The following GPR180 variants were observed in gnomAD, a reference collection of about 807,000 sequenced individuals.
GPR180 encodes integral membrane protein GPR180.
Under a neutral mutation model 52.6 loss-of-function variants are expected in GPR180, and 53 were observed. The observed-to-expected ratio is 1.01, with a 90% confidence interval of 0.81 to 1.27. The LOEUF (loss-of-function observed/expected upper bound fraction) is 1.27. Ranked by LOEUF, GPR180 falls within the 50% of genes most tolerant of loss-of-function variation. The probability of loss-of-function intolerance (pLI) is 0.00; values close to 1 mark genes in which losing one functional copy is unlikely to be tolerated. For synonymous variants in GPR180, 200 were observed against 193.1 expected, an observed-to-expected ratio of 1.04 and a Z score of -0.30; for missense variants, 533 against 527.0, an observed-to-expected ratio of 1.01 and a Z score of -0.11.
chr13:94,624,662 A>T (rs1889900128), intron 7 of GPR180, among the ~76,000 whole-genome samples: 2 of 151,930 alleles, frequency 1.3e-5, no homozygotes, highest in Admixed American at 1.3e-4. Context: ...GGTTCATGCC[A>T]TTCTCCTGCC....
In GPR180 at chr13:94,626,732, C is replaced by G. The variant is rs1163756410; in HGVS notation, c.1165-281C>G. Among the ~76,000 whole-genome samples, 3 of 152,072 alleles carry G rather than the reference C, an allele frequency of 2.0e-5. No homozygotes were observed. The East Asian group carries it at 5.8e-4, about 29-fold the overall frequency. On this transcript the variant is annotated intron_variant, in intron 8 of 8. Coordinates refer to ENST00000376958, the MANE Select transcript of GPR180 (RefSeq NM_180989.6). ...ACCTGATTTTTCTTATTTACTGAAACTTGTCTGTAGTGCATACCCTTAGGA... is the reference window on the plus strand; with the variant it reads ...ACCTGATTTTTCTTATTTACTGAAAGTTGTCTGTAGTGCATACCCTTAGGA...
In GPR180 at chr13:94,612,170, T is replaced by G; in HGVS notation, c.305-20T>G. Reference sequence around the variant, plus strand: ...CATTTGAGAATTTTGTTACAAAAGGTGTTTTCTTTCTCTTTAAAGTGACCA... The same window carrying G: ...CATTTGAGAATTTTGTTACAAAAGGGGTTTTCTTTCTCTTTAAAGTGACCA... On this transcript the variant is annotated intron_variant, in intron 2 of 8. Transcript: ENST00000376958. The G allele has an allele frequency of 6.3e-7, 1 of 1,589,568 alleles. No individual in the cohort carries two copies. Among genetic ancestry groups the G allele is most frequent in the Non-Finnish European group, 8.6e-7 (1 of 1,159,460 alleles).
At chr13:94,604,344 TAA>T (rs71761008) in intron 1 of GPR180, among the ~76,000 whole-genome samples, 2,379 of 141,624 alleles carry the variant, frequency 0.017, 55 homozygotes, top group African/African-American at 0.053. Context: ...AAAAATAAAT[TAA>T]AAAAAAAAAA....
rs777018695 is a variant in GPR180 at position 94,626,116 on chromosome 13, G to A, written c.1164+73G>A. 1.4e-5 allele frequency: 13 copies of A among 955,060 alleles called. No homozygotes were observed. The South Asian group carries it at 2.2e-4, about 16-fold the overall frequency. The allele number at this position is 955,060 out of a possible 1,614,324, so 59.2% of individuals were successfully genotyped here. On this transcript the variant is annotated intron_variant, in intron 8 of 8. Transcript: ENST00000376958. ...CTTAATTGGGAGAATATTTAAATAG[G>A]AGGGACCTATTTATTTTTTAAGACA...
chr13:94,605,867 A>G (rs2139563504), intron 2 of GPR180, among the ~76,000 whole-genome samples: 1 of 152,390 alleles, frequency 6.6e-6, no homozygotes, highest in Non-Finnish European at 1.5e-5. Flanking sequence ...ACATTTGTTG[A>G]ATGCTAATTA....
chr13:94,604,101 A>G lies in GPR180; in HGVS notation c.146-1290A>G, dbSNP rs1889596277. ...GTAATCCCAGCACTTTGGGAGGCTG[A>G]GGTGGGTGGATCACCTGAGGTCAGG... On this transcript the variant is annotated intron_variant, in intron 1 of 8. Coordinates refer to ENST00000376958, the MANE Select transcript of GPR180 (RefSeq NM_180989.6). Among the ~76,000 whole-genome samples the G allele has an allele frequency of 2.0e-5, 3 of 152,116 alleles. No individual in the cohort carries two copies. In the South Asian group the frequency reaches 6.2e-4, roughly 32 times the overall value.
chr13:94,614,999 A>G (rs1271992031), intron 3 of GPR180, among the ~76,000 whole-genome samples: 1 of 152,234 alleles, frequency 6.6e-6, no homozygotes, highest in Non-Finnish European at 1.5e-5. Flanking sequence ...TCTACATTGA[A>G]GTATCAATGA....
chr13:94,616,731 C>G (rs1007352870), intron 3 of GPR180, among the ~76,000 whole-genome samples: 4 of 151,922 alleles, frequency 2.6e-5, no homozygotes, highest in South Asian at 2.1e-4. Context: ...ATTTTAATTT[C>G]AAAGTGAACA....
chr13:94,608,769 A>T (rs2139564947), intron 2 of GPR180, among the ~76,000 whole-genome samples: 1 of 152,320 alleles, frequency 6.6e-6, no homozygotes, highest in East Asian at 1.9e-4. Flanking sequence ...CCTATTTGGT[A>T]ATGAACTCAG....
intron 2 of GPR180, among the ~76,000 whole-genome samples, chr13:94,609,072 A>G (rs1246127293): frequency 2.0e-5 from 3 of 152,222 alleles, no homozygotes; most frequent in African/African-American, 4.8e-5. Context: ...ATTTTCTATC[A>G]GATTACAAGA....
chr13:94,618,378 T>C (rs1351138684), intron 3 of GPR180, among the ~76,000 whole-genome samples: 1 of 149,114 alleles, frequency 6.7e-6, no homozygotes, highest in Non-Finnish European at 1.5e-5. Flanking sequence ...TGTTAGACAA[T>C]TTTCAGCCAA....
chr13:94,611,519 G>A (rs2139566358), intron 2 of GPR180, among the ~76,000 whole-genome samples: 1 of 152,098 alleles, frequency 6.6e-6, no homozygotes, highest in East Asian at 1.9e-4. Context: ...AACCAACCCG[G>A]AAACTGTGAA....
At chr13:94,605,614 G>A (rs1889619076) in intron 2 of GPR180, 65 bp downstream of exon 2, 4 of 1,281,324 alleles carry the variant, frequency 3.1e-6, no homozygotes, top group Non-Finnish European at 4.4e-6. Flanking sequence ...TTGAAATATA[G>A]TACCATATGT....
At chr13:94,621,701 T>C (rs902263995) in intron 6 of GPR180, among the ~76,000 whole-genome samples, 10 of 152,192 alleles carry the variant, frequency 6.6e-5, no homozygotes, top group African/African-American at 2.4e-4. Context: ...CTAAGATTAA[T>C]TAAAGGGCAA....
chr13:94,625,968 C>G lies in GPR180; in HGVS notation c.1089C>G (p.Gly363=). 6.2e-7 allele frequency: 1 copy of G among 1,610,000 alleles called. No homozygotes were observed. The highest frequency in any genetic ancestry group is 8.5e-7 in the Non-Finnish European group (1 of 1,177,200). The part of the protein sequence containing the change: ...KREFYITFAK[G]CILWFLCHPV... The stretch of plus-strand genomic sequence containing the variant: ...TTTCACTTTTTCCTTTGTTTCAGGG[C>G]TGTATCTTGTGGTTTTTATGCCATC... The change falls in exon 8 of 9, where the codon GGC becomes GGG. Residue 363 remains glycine (G), a splice_region_variant and synonymous_variant. Coordinates refer to ENST00000376958, the MANE Select transcript of GPR180 (RefSeq NM_180989.6).
At position 94,629,619 on chromosome 13, in the gene GPR180, A is replaced by T. The variant is rs1889968105; in HGVS notation, c.*2448A>T. On this transcript the variant is annotated 3_prime_UTR_variant, in exon 9 of 9. Transcript: ENST00000376958. ...AACATGTATTAGCTGTGTTTTAGTG[A>T]GAATGAATTGCTATCCATCATAATT... 2 of 152,218 alleles carry T rather than the reference A, an allele frequency of 1.3e-5. No homozygotes were observed. Among genetic ancestry groups the T allele is most frequent in the Admixed American group, 6.5e-5 (1 of 15,286 alleles). 9.4% of individuals were successfully genotyped at this position (152,218 alleles called of 1,614,324 possible). A position where few individuals can be genotyped will look rare whatever the true frequency, so the allele number is the denominator to read the frequency against.
At position 94,627,059 on chromosome 13, in the gene GPR180, T is replaced by C. The variant is rs1889937966; in HGVS notation, c.1211T>C (p.Ile404Thr). 1 of 1,611,730 alleles carries C rather than the reference T, an allele frequency of 6.2e-7. No homozygotes were observed. Among genetic ancestry groups the C allele is most frequent in the Non-Finnish European group, 8.5e-7 (1 of 1,178,444 alleles). Residue 404 changes from isoleucine to threonine, a missense_variant, in exon 9 of 9, where the codon ATT (isoleucine) becomes ACT (threonine). By Grantham distance (89) the Ile-to-Thr change is moderately conservative (BLOSUM62 -1). Transcript: ENST00000376958. Reference protein sequence around the residue: ...VILCQSVSMVILYRLFLSHSL... With the variant: ...VILCQSVSMVTLYRLFLSHSL... ...CTTTGCCAGTCTGTTTCCATGGTTA[T>C]TCTCTACAGACTCTTTCTGTCTCAC... is the stretch of plus-strand genomic sequence containing the variant.
intron 3 of GPR180, among the ~76,000 whole-genome samples, chr13:94,613,075 A>G (rs1184672880): frequency 6.6e-6 from 1 of 152,240 alleles, no homozygotes; most frequent in Non-Finnish European, 1.5e-5. Context: ...CATGATGAAC[A>G]TGCTATGAAG....
Position 94,623,246 on chromosome 13 carries a change from C to T in GPR180, c.1032C>T (p.Ile344=). 6.2e-7 allele frequency: 1 copy of T among 1,613,986 alleles called. No homozygotes were observed. The highest frequency in any genetic ancestry group is 1.1e-5 in the South Asian group (1 of 91,080). The change falls in exon 7 of 9, where the codon ATC becomes ATT. Residue 344 remains isoleucine (I), a synonymous_variant. Coordinates refer to ENST00000376958, the MANE Select transcript of GPR180 (RefSeq NM_180989.6). ...ALSLGCGLYQ[I]ITVERSTLKR... ...CATTAGGCTGTGGACTCTATCAGAT[C>T]ATCACAGTGGAGAGAAGTACACTCA...
Sources: allele counts gnomAD v4.1 joint callset (sites outside exome capture counted in the v4.1 genomes callset), GRCh38; gene constraint gnomAD v4.1.1; transcripts MANE v1.5; gene names NCBI Gene and HGNC (gene_info 2026-07-23, HGNC 2026-07-21).